RS1: variants seen among roughly 807,000 people sequenced by gnomAD.
RS1 encodes retinoschisin.
A neutral mutation model predicts 20.8 loss-of-function variants in RS1; 2 were observed. The observed-to-expected ratio is 0.10, with a 90% CI of 0.04 to 0.30. The LOEUF is 0.30. Among genes scored for constraint, RS1 ranks in the 10% least tolerant of loss-of-function variants. The probability of loss-of-function intolerance (pLI) is 1.00; values close to 1 mark genes in which losing one functional copy is unlikely to be tolerated. For missense variants in RS1, 151 were observed against 189.8 expected, an observed-to-expected ratio of 0.80 and a Z score of 1.20; for synonymous variants, 70 against 75.8, an observed-to-expected ratio of 0.92 and a Z score of 0.40.
intron 3 of RS1, chrX:18,650,450 T>C: frequency 3.3e-6 from 4 of 1,211,823 alleles, no homozygotes; most frequent in Non-Finnish European, 4.5e-6. Context: ...AGCCTCACAC[T>C]CCGTGCGTCC....
At chrX:18,661,498 C>T (rs757942616) in intron 1 of RS1, among the ~76,000 whole-genome samples, 1 of 111,943 alleles carries the variant, frequency 8.9e-6, no homozygotes, top group African/African-American at 3.2e-5. Context: ...GACTCGTCTC[C>T]CTGCCTTCTC....
rs1368151591 is a variant in RS1, at chrX:18,656,670, G to A, written c.167C>T (p.Ser56Phe). Reference protein sequence around the residue: ...PNALWSAGATSLDCIPECPYH... With the variant: ...PNALWSAGATFLDCIPECPYH... ...ATACTCACCTGGTATACAGTCCAAG[G>A]AGGTGGCACCTGCAGACCACAGAGC... Residue 56 changes from serine (S) to phenylalanine (F), a missense_variant, in exon 3 of 6, where the codon TCC becomes TTC. Physicochemically the swap from Ser to Phe is radical, Grantham distance 155. Coordinates refer to ENST00000379984, the MANE Select transcript of RS1 (RefSeq NM_000330.4). The A allele has an allele frequency of 8.3e-6, 10 of 1,205,678 alleles. No individual in the cohort carries two copies. The highest frequency in any genetic ancestry group is 7.9e-6 in the Non-Finnish European group (7 of 891,673).
intron 1 of RS1, among the ~76,000 whole-genome samples, chrX:18,659,511 A>G (rs1460328610): frequency 1.8e-5 from 2 of 110,528 alleles, no homozygotes; most frequent in Non-Finnish European, 3.8e-5. Flanking sequence ...AAAAAGTTCA[A>G]TTCTTCAGTC....
chrX:18,663,162 C>A (rs1296666278), intron 1 of RS1, among the ~76,000 whole-genome samples: 1 of 106,352 alleles, frequency 9.4e-6, no homozygotes, highest in Non-Finnish European at 1.9e-5. Context: ...CCTCAGCTTC[C>A]TGAGTAACTG....
At chrX:18,651,673 A>G (rs1300127902) in intron 3 of RS1, among the ~76,000 whole-genome samples, 1 of 111,432 alleles carries the variant, frequency 9.0e-6, no homozygotes, top group African/African-American at 3.3e-5. Context: ...CTAAATAGGG[A>G]GAAAAGACCT....
chrX:18,649,551 C>T (rs767122779), intron 3 of RS1, among the ~76,000 whole-genome samples: 1 of 111,670 alleles, frequency 9.0e-6, no homozygotes, highest in Non-Finnish European at 1.9e-5. Flanking sequence ...CCCCAATGCA[C>T]GAAAGGAATA....
intron 5 of RS1, 104 bp downstream of exon 5, chrX:18,644,326 G>A (rs1927688403): frequency 1.4e-6 from 1 of 698,888 alleles, no homozygotes; most frequent in Non-Finnish European, 2.3e-6. Flanking sequence ...CCACTGTGCT[G>A]TGGAGTCGGT....
chrX:18,650,223 C>A, intron 3 of RS1: 1 of 493,498 alleles, frequency 2.0e-6, no homozygotes, highest in Non-Finnish European at 3.6e-6. Flanking sequence ...AGGGCCTGTC[C>A]AGGCAGCAGA....
chrX:18,646,315 G>A (rs775696787), intron 4 of RS1, among the ~76,000 whole-genome samples: 4 of 111,117 alleles, frequency 3.6e-5, no homozygotes, highest in Admixed American at 9.6e-5. Context: ...CACCATGCCC[G>A]GCTAATTTTT....
At position 18,650,390 on chromosome X, in the gene RS1, G is replaced by T. The variant is rs980932278; in HGVS notation, c.185-3058C>A. 4.1e-6 allele frequency: 5 copies of T among 1,207,651 alleles called. No homozygotes were observed. The African/African-American group carries it at 7.0e-5, about 17-fold the overall frequency. On this transcript the variant is annotated intron_variant, in intron 3 of 5. Transcript: ENST00000379984. ...CCCGGGCCCCAAGCTTCATTCCACTGCCCTCTGAATATTTTCCAGGAGAAT... is the reference window on the plus strand; with the variant it reads ...CCCGGGCCCCAAGCTTCATTCCACTTCCCTCTGAATATTTTCCAGGAGAAT...
Position 18,647,127 on chromosome X carries a change from C to T in RS1, c.326+64G>A, listed in dbSNP as rs1292542971. ...AGACGGGGTTTCACTGTGTTGGCCA[C>T]GCTGGTAGAGAGGCCTATTTTTTTT... On this transcript the variant is annotated intron_variant, in intron 4 of 5. Transcript: ENST00000379984. The T allele has an allele frequency of 1.5e-5, 18 of 1,165,055 alleles. No homozygotes were observed. The South Asian group carries it at 2.0e-4, about 13-fold the overall frequency.
At chrX:18,662,334 G>A (rs1236522399) in intron 1 of RS1, among the ~76,000 whole-genome samples, 1 of 111,997 alleles carries the variant, frequency 8.9e-6, no homozygotes, top group Non-Finnish European at 1.9e-5. Flanking sequence ...TTAAGTTCTA[G>A]GGTACATGTG....
chrX:18,644,641 C>T lies in RS1; in HGVS notation c.327-16G>A, dbSNP rs1005590954. 4 of 1,202,923 alleles carry T rather than the reference C, an allele frequency of 3.3e-6. No individual in the cohort carries two copies. The highest frequency in any genetic ancestry group is 3.0e-5 in the East Asian group (1 of 33,697). On this transcript the variant is annotated splice_polypyrimidine_tract_variant and intron_variant, in intron 4 of 5. Transcript: ENST00000379984. The stretch of plus-strand genomic sequence containing the variant: ...CCAGGCACACCTGCCGAGAACATAC[C>T]GAGTCACCGAGAGACTCCCCCTGTG...
intron 1 of RS1, among the ~76,000 whole-genome samples, chrX:18,670,471 C>T (rs962277820): frequency 2.7e-5 from 3 of 110,616 alleles, no homozygotes; most frequent in East Asian, 2.8e-4. Context: ...AGGTGATAGA[C>T]CCGCCTCAGC....
rs1491242962 is a variant in RS1, at chrX:18,651,264, T to TGTGTGAGA, written c.185-3933_185-3932insTCTCACAC. ...GTGTGTGTGTGTGTGTGTGTGTGTG[T>TGTGTGAGA]GAGAGAGAGAGAGAGAGAGAGAGAC... On this transcript the variant is annotated intron_variant, in intron 3 of 5. Coordinates refer to ENST00000379984, the MANE Select transcript of RS1 (RefSeq NM_000330.4). 5.3e-3 allele frequency among the ~76,000 whole-genome samples: 364 copies of TGTGTGAGA among 68,994 alleles called. 7 individuals carry two copies. Among genetic ancestry groups the TGTGTGAGA allele is most frequent in the African/African-American group, 0.021 (335 of 15,963 alleles). 59.9% of individuals were successfully genotyped at this position (68,994 alleles called of 115,157 possible). A position where few individuals can be genotyped will look rare whatever the true frequency, so the allele number is the denominator to read the frequency against.
Position 18,672,012 on chromosome X carries a change from C to T in RS1, c.52+5G>A, listed in dbSNP as rs281865338. 7 of 1,201,437 alleles carry T rather than the reference C, an allele frequency of 5.8e-6. No individual in the cohort carries two copies. The highest frequency in any genetic ancestry group is 5.9e-5 in the East Asian group (2 of 33,753). On this transcript the variant is annotated splice_donor_5th_base_variant and intron_variant, in intron 1 of 5. Coordinates refer to ENST00000379984, the MANE Select transcript of RS1 (RefSeq NM_000330.4). ...AATGAATGTCAATGGTTGAATAGCA[C>T]ATACCTTCATAGCCAAAGAGAAGTA...
chrX:18,667,109 A>G (rs1300146725), intron 1 of RS1, among the ~76,000 whole-genome samples: 1 of 111,446 alleles, frequency 9.0e-6, no homozygotes, highest in Non-Finnish European at 1.9e-5. Context: ...GTAGCTGTTC[A>G]TCAAGAGATG....
chrX:18,665,651 C>T (rs1418611706), intron 1 of RS1, among the ~76,000 whole-genome samples: 1 of 110,148 alleles, frequency 9.1e-6, no homozygotes, highest in African/African-American at 3.3e-5. Flanking sequence ...GGGAGGACCC[C>T]TTGAGCTCAG....
At position 18,653,493 on chromosome X, in the gene RS1, C is replaced by A. The variant is rs587783163; in HGVS notation, c.184+3160G>T. ...CCCTGATTCACAGGGCCCAGGTAAA[C>A]CAAGCTGCGCTCCTGACATACCATG... is the stretch of plus-strand genomic sequence containing the variant. On this transcript the variant is annotated intron_variant, in intron 3 of 5. Coordinates refer to ENST00000379984, the MANE Select transcript of RS1 (RefSeq NM_000330.4). 3 of 1,210,148 alleles carry A rather than the reference C, an allele frequency of 2.5e-6. No individual in the cohort carries two copies. In the African/African-American group the frequency reaches 5.2e-5, roughly 21 times the overall value.
Sources: allele counts gnomAD v4.1 joint callset (sites outside exome capture counted in the v4.1 genomes callset), GRCh38; gene constraint gnomAD v4.1.1; transcripts MANE v1.5; gene names NCBI Gene and HGNC (gene_info 2026-07-23, HGNC 2026-07-21).